Variants in ADGRF1 observed in about 807,000 individuals in gnomAD.
ADGRF1 encodes the protein G protein-coupled receptor 110.
Under a neutral mutation model 87.2 loss-of-function variants are expected in ADGRF1, and 85 were observed. That is an observed-to-expected ratio of 0.97 (90% CI 0.82 to 1.17). The LOEUF is 1.17. ADGRF1 is among the 50% of genes most tolerant of loss of function. ADGRF1 has a pLI of 0.00. For synonymous variants in ADGRF1, 430 were observed against 408.8 expected (o/e 1.05, Z -0.63); for missense variants, 1,169 against 1,077.2 (o/e 1.09, Z -1.19).
chr6:47,004,769 T>G (rs1779469420), intron 13 of ADGRF1, among the ~76,000 whole-genome samples: 1 of 152,232 alleles, frequency 6.6e-6, no homozygotes, highest in South Asian at 2.1e-4. Context: ...ACTTCTGCTT[T>G]GAATAACTAG....
intron 1 of ADGRF1, among the ~76,000 whole-genome samples, chr6:47,030,734 G>A (rs141162462): frequency 6.6e-6 from 1 of 151,844 alleles, no homozygotes; most frequent in East Asian, 1.9e-4. Context: ...AGTGGGGGTT[G>A]TGCCCCTTCC....
chr6:47,015,565 G>A (rs1001087955), intron 8 of ADGRF1, among the ~76,000 whole-genome samples: 1 of 138,774 alleles, frequency 7.2e-6, no homozygotes, highest in Non-Finnish European at 1.5e-5. Context: ...TGCACACCAC[G>A]ATGCCTGGCT....
chr6:47,010,476 A>G (rs1479025333), intron 10 of ADGRF1, among the ~76,000 whole-genome samples, 158 bp from the exon 11 acceptor site: 1 of 152,228 alleles, frequency 6.6e-6, no homozygotes, highest in African/African-American at 2.4e-5. Context: ...AGCTCAGTTC[A>G]TCTGTACAGT....
chr6:47,000,305 A>C lies in ADGRF1; in HGVS notation c.2660-10T>G. On this transcript the variant is annotated splice_polypyrimidine_tract_variant and intron_variant, in intron 14 of 14. Transcript: ENST00000371253. ...GAAAATGCATAATGGCCTGAAGGGG[A>C]AAAAAAAAGGAAATAATTATTGTTA... 6.7e-7 allele frequency: 1 copy of C among 1,501,604 alleles called. No individual in the cohort carries two copies. The highest frequency in any genetic ancestry group is 9.1e-7 in the Non-Finnish European group (1 of 1,099,636). 93.0% of individuals were successfully genotyped at this position (1,501,604 alleles called of 1,614,324 possible).
chr6:47,006,841 T>TA (rs1453835022), intron 12 of ADGRF1, among the ~76,000 whole-genome samples: 1 of 152,206 alleles, frequency 6.6e-6, no homozygotes, highest in African/African-American at 2.4e-5. Flanking sequence ...TATTAACACT[T>TA]ACTGTTTAAA....
chr6:47,034,169 T>C (rs966387245), intron 1 of ADGRF1, among the ~76,000 whole-genome samples: 5 of 152,222 alleles, frequency 3.3e-5, no homozygotes, highest in African/African-American at 7.2e-5. Context: ...TTTCCTCCTT[T>C]ATACAGTAAG....
intron 6 of ADGRF1, 34 bp downstream of exon 6, chr6:47,021,924 A>G (rs1418347957): frequency 1.7e-6 from 2 of 1,161,812 alleles, no homozygotes; most frequent in East Asian, 4.8e-5. Context: ...AGTGTAGCAA[A>G]CGATTCCTTA....
chr6:47,025,769 T>C, intron 4 of ADGRF1, 85 bp downstream of exon 4: 1 of 1,181,548 alleles, frequency 8.5e-7, no homozygotes, highest in East Asian at 2.4e-5. Context: ...GTAGGGATGA[T>C]TGTTTCCACA....
intron 1 of ADGRF1, among the ~76,000 whole-genome samples, chr6:47,038,226 C>T (rs1312478902): frequency 6.6e-6 from 1 of 152,128 alleles, no homozygotes; most frequent in African/African-American, 2.4e-5. Context: ...ACAGTTAGTT[C>T]TTAAAATTAT....
At chr6:47,030,663 A>C (rs1780388549) in intron 1 of ADGRF1, among the ~76,000 whole-genome samples, 1 of 141,666 alleles carries the variant, frequency 7.1e-6, no homozygotes, top group Non-Finnish European at 1.5e-5. Flanking sequence ...TTTATTAGTA[A>C]ATTGCTATAT....
rs373235067 is a variant in ADGRF1 at position 47,024,603 on chromosome 6, C to T, written c.278-386G>A. 2.0e-3 allele frequency among the ~76,000 whole-genome samples: 301 copies of T among 152,306 alleles called. 6 individuals carry two copies. The South Asian group carries it at 0.024, about 12-fold the overall frequency. On this transcript the variant is annotated intron_variant, in intron 4 of 14. Coordinates refer to ENST00000371253, the MANE Select transcript of ADGRF1 (RefSeq NM_153840.4). Reference sequence around the variant, plus strand: ...TGCTGGGATTACAGGCGTGAGCCACCGCGCCTGACCCTGAGTAGTGATTTG... The same window carrying T: ...TGCTGGGATTACAGGCGTGAGCCACTGCGCCTGACCCTGAGTAGTGATTTG...
chr6:47,040,686 G>A (rs1780715987), intron 1 of ADGRF1, among the ~76,000 whole-genome samples: 1 of 152,108 alleles, frequency 6.6e-6, no homozygotes, highest in African/African-American at 2.4e-5. Context: ...AATGCCCTCA[G>A]ATACCCAGTG....
chr6:47,032,539 G>A (rs1028928517), intron 1 of ADGRF1, among the ~76,000 whole-genome samples: 11 of 152,182 alleles, frequency 7.2e-5, no homozygotes, highest in Admixed American at 6.5e-4. Flanking sequence ...CAAGGCACAT[G>A]GTCAAAATGG....
At chr6:47,020,994 A>G (rs182983180) in intron 6 of ADGRF1, among the ~76,000 whole-genome samples, 119 of 152,346 alleles carry the variant, frequency 7.8e-4, no homozygotes, top group Middle Eastern at 3.4e-3. Context: ...ACATATCCAT[A>G]CATATACACG....
intron 1 of ADGRF1, among the ~76,000 whole-genome samples, chr6:47,032,208 C>T (rs1205479248): frequency 6.6e-6 from 1 of 152,202 alleles, no homozygotes; most frequent in East Asian, 1.9e-4. Flanking sequence ...ATAAAGATTT[C>T]TCCACCTAGC....
intron 13 of ADGRF1, 188 bp from the exon 14 acceptor site, chr6:47,001,755 A>T: frequency 3.9e-6 from 2 of 513,526 alleles, no homozygotes; most frequent in South Asian, 4.9e-5. Context: ...AAAATGCCTA[A>T]AAATTTATTT....
At chr6:47,014,430 C>T in intron 9 of ADGRF1, 1 of 1,222,456 alleles carries the variant, frequency 8.2e-7, no homozygotes, top group Non-Finnish European at 1.0e-6. Flanking sequence ...ATGATACACT[C>T]CTCCACAACA....
chr6:47,020,997 T>C (rs918265155), intron 6 of ADGRF1, among the ~76,000 whole-genome samples: 3 of 152,184 alleles, frequency 2.0e-5, no homozygotes, highest in Non-Finnish European at 4.4e-5. Flanking sequence ...TATCCATACA[T>C]ATACACGTAT....
chr6:47,035,116 C>T lies in ADGRF1; in HGVS notation c.-43-6012G>A, dbSNP rs576515731. On this transcript the variant is annotated intron_variant, in intron 1 of 14. Transcript: ENST00000371253. ...TCCAGCTCGTTTCCACTGTAAAAGGCTTAGCTGCAAGCCTCATGGGTTGGC... is the reference window on the plus strand; with the variant it reads ...TCCAGCTCGTTTCCACTGTAAAAGGTTTAGCTGCAAGCCTCATGGGTTGGC... 4.3e-4 allele frequency among the ~76,000 whole-genome samples: 65 copies of T among 152,308 alleles called. 1 individual carries two copies. The Middle Eastern group carries it at 0.01, about 24-fold the overall frequency.
Sources: allele counts gnomAD v4.1 joint callset (sites outside exome capture counted in the v4.1 genomes callset), GRCh38; gene constraint gnomAD v4.1.1; transcripts MANE v1.5; gene names NCBI Gene and HGNC (gene_info 2026-07-23, HGNC 2026-07-21).